The following ERN1 variants were observed in gnomAD, a reference collection of about 807,000 sequenced individuals.
ERN1 encodes endoplasmic reticulum to nucleus signaling 1.
Under a neutral mutation model 113.1 loss-of-function variants are expected in ERN1, and 39 were observed. That is an observed-to-expected ratio of 0.34 (90% CI 0.27 to 0.45). The LOEUF is 0.45. ERN1 is among the 20% of genes least tolerant of loss of function. The probability of loss-of-function intolerance (pLI) is 1.00; values close to 1 mark genes in which losing one functional copy is unlikely to be tolerated. For synonymous variants in ERN1, 507 were observed against 515.9 expected, an observed-to-expected ratio of 0.98 and a Z score of 0.23; for missense variants, 976 against 1,274.8, an observed-to-expected ratio of 0.77 and a Z score of 3.57.
chr17:64,071,851 G>T, intron 6 of ERN1, 130 bp downstream of exon 6: 1 of 969,344 alleles, frequency 1.0e-6, no homozygotes, highest in Non-Finnish European at 1.5e-6. Flanking sequence ...TCTTATAAAG[G>T]AAAATGACAT....
intron 1 of ERN1, among the ~76,000 whole-genome samples, chr17:64,109,011 T>C (rs746507579): frequency 3.3e-5 from 5 of 151,714 alleles, no homozygotes; most frequent in Non-Finnish European, 7.4e-5. Flanking sequence ...GTAATCCCAA[T>C]TACTTGGGAG....
chr17:64,080,995 T>C (rs182772972), intron 2 of ERN1, among the ~76,000 whole-genome samples, 187 bp from the exon 3 acceptor site: 144 of 152,272 alleles, frequency 9.5e-4, no homozygotes, highest in African/African-American at 3.4e-3. Flanking sequence ...AGAAAACATA[T>C]CCACAATGAT....
rs1298252989 is a variant in ERN1 at position 64,039,988 on chromosome 17, G to GAGT, written c.*3997_*3999dup. On this transcript the variant is annotated 3_prime_UTR_variant, in exon 22 of 22. Transcript: ENST00000433197. Reference sequence around the variant, plus strand: ...ATCACTGTTTCATAAAGAAGGAGGGGAGTAGACCATTGGGTTTAAAAGATG... The same window carrying GAGT: ...ATCACTGTTTCATAAAGAAGGAGGGGAGTAGTAGACCATTGGGTTTAAAAGATG... 6.6e-6 allele frequency: 1 copy of GAGT among 152,200 alleles called. No individual in the cohort carries two copies. Among genetic ancestry groups the GAGT allele is most frequent in the Non-Finnish European group, 1.5e-5 (1 of 68,046 alleles). 9.4% of individuals were successfully genotyped at this position (152,200 alleles called of 1,614,324 possible). A position where few individuals can be genotyped will look rare whatever the true frequency, so the allele number is the denominator to read the frequency against.
At chr17:64,047,736 C>A in intron 19 of ERN1, 122 bp downstream of exon 19, 1 of 775,746 alleles carries the variant, frequency 1.3e-6, no homozygotes, top group South Asian at 2.8e-5. Flanking sequence ...AAACATCAGC[C>A]ATGATTATCT....
At chr17:64,077,030 A>G (rs1426803339) in intron 4 of ERN1, among the ~76,000 whole-genome samples, 1 of 152,206 alleles carries the variant, frequency 6.6e-6, no homozygotes. Context: ...TAACTTATAC[A>G]ACTCACTCAC....
intron 1 of ERN1, among the ~76,000 whole-genome samples, chr17:64,124,265 A>T (rs1915024007): frequency 6.6e-6 from 1 of 152,250 alleles, no homozygotes; most frequent in East Asian, 1.9e-4. Context: ...TATGCCCAAG[A>T]AGAGTGAAAA....
Position 64,066,731 on chromosome 17 carries a change from C to T in ERN1, c.782G>A (p.Gly261Glu). ...CGGGTACTTCCACTTTGTGATGCGC[C>T]CCACCTCCCCAGACATGAAGGTCAG... ...RYLTFMSGEV[G>E]RITKWKYPFP... Residue 261 changes from glycine (G) to glutamate (E), a missense_variant, in exon 8 of 22, where the codon GGG becomes GAG. This residue lies in a region of ERN1 where 459 missense variants were observed against 581.2 expected (regional missense o/e 0.79). Coordinates refer to ENST00000433197, the MANE Select transcript of ERN1 (RefSeq NM_001433.5). 1 of 1,613,914 alleles carries T rather than the reference C, an allele frequency of 6.2e-7. No homozygotes were observed. Among genetic ancestry groups the T allele is most frequent in the South Asian group, 1.1e-5 (1 of 91,072 alleles).
chr17:64,119,513 C>T (rs1914900944), intron 1 of ERN1, among the ~76,000 whole-genome samples: 1 of 151,042 alleles, frequency 6.6e-6, no homozygotes, highest in Admixed American at 6.6e-5. Flanking sequence ...CTCAGCCTCC[C>T]AAGCAGCTGG....
chr17:64,105,830 G>C (rs8068993), intron 1 of ERN1, among the ~76,000 whole-genome samples: 15,083 of 151,764 alleles, frequency 0.099, 928 homozygotes, highest in African/African-American at 0.19. Flanking sequence ...GCCAGGCATG[G>C]TGTAATCCCA....
rs1369907521 is a variant in ERN1 at position 64,072,076 on chromosome 17, A to G, written c.383T>C (p.Ile128Thr). 6.2e-7 allele frequency: 1 copy of G among 1,612,720 alleles called. No homozygotes were observed. Among genetic ancestry groups the G allele is most frequent in the Non-Finnish European group, 8.5e-7 (1 of 1,179,440 alleles). Residue 128 changes from isoleucine to threonine, a missense_variant, in exon 6 of 22, where the codon ATT becomes ACT. Coordinates refer to ENST00000433197, the MANE Select transcript of ERN1 (RefSeq NM_001433.5). ...CTGCTTCTCTCCGGTCAGGAGGTCA[A>G]TAACATACCAGATGTCCTGCTTTTT... ...MGKKQDIWYVIDLLTGEKQQT... is the reference protein window; with the variant it reads ...MGKKQDIWYVTDLLTGEKQQT...
chr17:64,070,920 G>A (rs1913393556), intron 6 of ERN1, among the ~76,000 whole-genome samples: 1 of 152,154 alleles, frequency 6.6e-6, no homozygotes, highest in Non-Finnish European at 1.5e-5. Context: ...CAAACATTGA[G>A]CCCCTGCTAC....
rs1598041635 is a variant in ERN1 at position 64,044,692 on chromosome 17, G to GTT, written c.2721+167_2721+168insAA. On this transcript the variant is annotated intron_variant, in intron 21 of 21. Transcript: ENST00000433197. This position sits in a 1 kb window ranked among gnomAD's most constrained non-coding sequence, Gnocchi z 4.1. Reference sequence around the variant, plus strand: ...CTACGTCCCTGAAGGGAAAATCAGCGTAAGAGAGGCAACAGCCTGCAGTTT... The same window carrying GTT: ...CTACGTCCCTGAAGGGAAAATCAGCGTTTAAGAGAGGCAACAGCCTGCAGTTT... 6.6e-6 allele frequency among the ~76,000 whole-genome samples: 1 copy of GTT among 152,198 alleles called. No individual in the cohort carries two copies. Among genetic ancestry groups the GTT allele is most frequent in the Admixed American group, 6.5e-5 (1 of 15,286 alleles).
At chr17:64,109,104 A>G (rs2143477891) in intron 1 of ERN1, among the ~76,000 whole-genome samples, 2 of 152,194 alleles carry the variant, frequency 1.3e-5, no homozygotes, top group South Asian at 4.2e-4. Flanking sequence ...AGCCTGGGTG[A>G]CAAGAGGGAA....
At chr17:64,048,579 AC>A (rs925158749) in intron 18 of ERN1, among the ~76,000 whole-genome samples, 1 of 152,158 alleles carries the variant, frequency 6.6e-6, no homozygotes, top group Non-Finnish European at 1.5e-5. Context: ...ACCCAGGAAA[AC>A]CTGAAGTCTG....
intron 4 of ERN1, among the ~76,000 whole-genome samples, chr17:64,077,823 G>A (rs1295737611): frequency 6.6e-6 from 1 of 151,256 alleles, no homozygotes; most frequent in Non-Finnish European, 1.5e-5. Context: ...TCAGCTCACT[G>A]CAAGCTCCAC....
At chr17:64,096,596 A>T (rs947837736) in intron 2 of ERN1, among the ~76,000 whole-genome samples, 8 of 152,186 alleles carry the variant, frequency 5.3e-5, no homozygotes, top group Non-Finnish European at 8.8e-5. Flanking sequence ...CTTCCACGAA[A>T]CTGGTCCCTG....
chr17:64,085,988 C>A (rs1319978367), intron 2 of ERN1, among the ~76,000 whole-genome samples: 1 of 152,168 alleles, frequency 6.6e-6, no homozygotes, highest in East Asian at 1.9e-4. Flanking sequence ...CTACATTTGC[C>A]CAGCTCCACC....
At chr17:64,060,408 A>G in intron 11 of ERN1, 61 bp downstream of exon 11, 1 of 1,046,506 alleles carries the variant, frequency 9.6e-7, no homozygotes, top group Admixed American at 1.7e-5. Flanking sequence ...GTCAAAGTCT[A>G]ATGCCTCACC....
intron 1 of ERN1, 99 bp downstream of exon 1, chr17:64,129,877 G>GAGCTGTC: frequency 8.7e-7 from 1 of 1,149,112 alleles, no homozygotes; most frequent in Non-Finnish European, 1.1e-6. Context: ...CCGCCGTCGC[G>GAGCTGTC]CTCCCAGCTC....
Sources: gnomAD v4.1 joint callset for allele counts (sites outside exome capture counted in the v4.1 genomes callset) on GRCh38, gnomAD v4.1.1 for gene constraint, gnomAD v4.1.1 regional missense constraint, Gnocchi (gnomAD v3.1) non-coding constraint, MANE v1.5 for transcripts, NCBI Gene and HGNC (gene_info 2026-07-23, HGNC 2026-07-21) for gene names.